Variants in MRC1 observed in about 807,000 individuals in gnomAD.
The protein encoded by MRC1 is macrophage mannose receptor 1.
Under a neutral mutation model 102.9 loss-of-function variants are expected in MRC1, and 62 were observed. That is an observed-to-expected ratio of 0.60 (90% CI 0.49 to 0.74). The LOEUF is 0.74. Ranked by LOEUF, MRC1 falls within the 30% of genes least tolerant of loss-of-function variation. The pLI is 0.00. For synonymous variants in MRC1, 457 were observed against 298.4 expected, an observed-to-expected ratio of 1.53 and a Z score of -5.48; for missense variants, 1,237 against 862.8, an observed-to-expected ratio of 1.43 and a Z score of -5.43.
intron 12 of MRC1, among the ~76,000 whole-genome samples, chr10:17,867,243 C>A (rs782339025): frequency 1.3e-5 from 2 of 148,646 alleles, no homozygotes; most frequent in African/African-American, 5.0e-5. Context: ...TCCTCTCTCC[C>A]CCTTCCCCCT....
At chr10:17,829,810 T>A (rs1838542084) in intron 3 of MRC1, among the ~76,000 whole-genome samples, 2 of 151,562 alleles carry the variant, frequency 1.3e-5, no homozygotes, top group South Asian at 4.1e-4. Context: ...CTGAATGAAA[T>A]GTGGAGGACA....
intron 21 of MRC1, among the ~76,000 whole-genome samples, chr10:17,884,489 A>C (rs991511260): frequency 6.6e-6 from 1 of 152,200 alleles, no homozygotes; most frequent in Non-Finnish European, 1.5e-5. Flanking sequence ...TTATAAAGGA[A>C]AGAGGTTTGA....
At chr10:17,889,116 G>A (rs1234580293) in intron 22 of MRC1, among the ~76,000 whole-genome samples, 5 of 152,018 alleles carry the variant, frequency 3.3e-5, no homozygotes, top group African/African-American at 7.2e-5. Flanking sequence ...TTAGTGTAGC[G>A]TATCTTTCTC....
At position 17,809,796 on chromosome 10, in the gene MRC1, C is replaced by A. The variant is rs1012205230; in HGVS notation, c.61+270C>A. On this transcript the variant is annotated intron_variant, in intron 1 of 29. Coordinates refer to ENST00000569591, the MANE Select transcript of MRC1 (RefSeq NM_002438.4). ...CAGACCTTCAGTGTCCTCCTGACTT[C>A]TCTCATCGCTCGTTGTTCCTTCCCT... Among the ~76,000 whole-genome samples, 344 of 152,292 alleles carry A rather than the reference C, an allele frequency of 2.3e-3. 1 individual carries two copies. Among genetic ancestry groups the A allele is most frequent in the African/African-American group, 7.9e-3 (327 of 41,562 alleles).
chr10:17,840,769 T>A lies in MRC1; in HGVS notation c.879T>A (p.Ser293Arg). 1.3e-6 allele frequency: 1 copy of A among 780,852 alleles called. No individual in the cohort carries two copies. Among genetic ancestry groups the A allele is most frequent in the South Asian group, 1.3e-5 (1 of 74,618 alleles). 48.4% of individuals were successfully genotyped at this position (780,852 alleles called of 1,614,324 possible). A position where few individuals can be genotyped will look rare whatever the true frequency, so the allele number is the denominator to read the frequency against. The change falls in exon 5 of 30, where the codon AGT (serine) becomes AGA (arginine). Residue 293 changes from serine (S) to arginine (R), a missense_variant. By Grantham distance (110) the Ser-to-Arg change is moderately radical (BLOSUM62 -1). Coordinates refer to ENST00000569591, the MANE Select transcript of MRC1 (RefSeq NM_002438.4). ...SLSFNSGWQW[S>R]DRSPFRYLNW... ...GCTTCAACAGCGGTTGGCAGTGGAGTGACCGCAGTCCTTTCCGATATTTGA... is the reference window on the plus strand; with the variant it reads ...GCTTCAACAGCGGTTGGCAGTGGAGAGACCGCAGTCCTTTCCGATATTTGA...
chr10:17,858,996 A>T (rs1250417771), intron 9 of MRC1, among the ~76,000 whole-genome samples: 1 of 152,076 alleles, frequency 6.6e-6, no homozygotes, highest in Non-Finnish European at 1.5e-5. Flanking sequence ...TCGTATCTTC[A>T]TCTCTTCCTA....
At position 17,830,058 on chromosome 10, in the gene MRC1, C is replaced by T. The variant is rs1838545709; in HGVS notation, c.637+2343C>T. ...AAATCACGTTTTGTACATTTAATAT[C>T]TTTCTTAAAGGGCTTTATAGTCTTC... On this transcript the variant is annotated intron_variant, in intron 3 of 29. Coordinates refer to ENST00000569591, the MANE Select transcript of MRC1 (RefSeq NM_002438.4). Among the ~76,000 whole-genome samples, 3 of 151,334 alleles carry T rather than the reference C, an allele frequency of 2.0e-5. 1 individual carries two copies. Among genetic ancestry groups the T allele is most frequent in the African/African-American group, 7.4e-5 (3 of 40,718 alleles).
chr10:17,904,256 T>C (rs1373389996), intron 26 of MRC1, among the ~76,000 whole-genome samples: 1 of 152,218 alleles, frequency 6.6e-6, no homozygotes, highest in Non-Finnish European at 1.5e-5. Context: ...TGGGTTTGAG[T>C]TACTGTTGAG....
At chr10:17,890,183 A>T (rs1833653188) in intron 22 of MRC1, among the ~76,000 whole-genome samples, 1 of 152,172 alleles carries the variant, frequency 6.6e-6, no homozygotes, top group South Asian at 2.1e-4. Context: ...AAGAAATCCA[A>T]CGTAATTACT....
At chr10:17,838,080 G>A (rs1838696318) in intron 4 of MRC1, among the ~76,000 whole-genome samples, 2 of 152,068 alleles carry the variant, frequency 1.3e-5, no homozygotes, top group South Asian at 4.2e-4. Flanking sequence ...CTAGGAGGGA[G>A]AAGTTAGGAA....
chr10:17,830,427 C>T lies in MRC1; in HGVS notation c.637+2712C>T, dbSNP rs1040258058. Among the ~76,000 whole-genome samples the T allele has an allele frequency of 7.8e-3, 1,183 of 151,428 alleles. 77 individuals are homozygous for T. Among genetic ancestry groups the T allele is most frequent in the African/African-American group, 0.028 (1,143 of 40,766 alleles). On this transcript the variant is annotated intron_variant, in intron 3 of 29. Coordinates refer to ENST00000569591, the MANE Select transcript of MRC1 (RefSeq NM_002438.4). ...GATTACAGGTGTGAGCCACCGTGCC[C>T]GGACGAGCATTTTATTTTATATCAG... is the stretch of plus-strand genomic sequence containing the variant.
rs937080594 is a variant in MRC1, at chr10:17,835,847, A to G, written c.802+2008A>G. 2.6e-3 allele frequency among the ~76,000 whole-genome samples: 395 copies of G among 152,318 alleles called. 1 individual carries two copies. Among genetic ancestry groups the G allele is most frequent in the African/African-American group, 8.7e-3 (362 of 41,580 alleles). Reference sequence around the variant, plus strand: ...GAGATCCCGAAGACTCTAGATCAGTAGGTGTGACACAGGGCACAAGAATCT... The same window carrying G: ...GAGATCCCGAAGACTCTAGATCAGTGGGTGTGACACAGGGCACAAGAATCT... On this transcript the variant is annotated intron_variant, in intron 4 of 29. Transcript: ENST00000569591.
intron 25 of MRC1, among the ~76,000 whole-genome samples, chr10:17,901,248 A>G (rs1261332609): frequency 2.6e-5 from 4 of 152,224 alleles, no homozygotes; most frequent in African/African-American, 9.6e-5. Context: ...TGGACACCAT[A>G]CTAGAATTCT....
chr10:17,888,863 T>C (rs1308318312), intron 22 of MRC1, among the ~76,000 whole-genome samples: 2 of 152,358 alleles, frequency 1.3e-5, no homozygotes, highest in East Asian at 3.9e-4. Flanking sequence ...TAGAAGAGTA[T>C]TGAAGTCTCC....
At chr10:17,903,366 ATTTTCTTTTTC>A (rs1833853628) in intron 26 of MRC1, among the ~76,000 whole-genome samples, 12 of 90,802 alleles carry the variant, frequency 1.3e-4, no homozygotes, top group Admixed American at 1.2e-3. Flanking sequence ...CATCATTTTA[ATTTTCTTTTTC>A]TTTTCTTTTT....
At chr10:17,891,629 C>T (rs1379289915) in intron 22 of MRC1, among the ~76,000 whole-genome samples, 1 of 152,142 alleles carries the variant, frequency 6.6e-6, no homozygotes, top group Non-Finnish European at 1.5e-5. Context: ...GAACTGCTGA[C>T]GTAGTGGATA....
intron 10 of MRC1, among the ~76,000 whole-genome samples, chr10:17,861,716 T>G (rs1833186971): frequency 6.6e-6 from 1 of 152,146 alleles, no homozygotes; most frequent in African/African-American, 2.4e-5. Context: ...AAAGCAACAT[T>G]CAGAACAGTT....
At chr10:17,879,696 A>C in intron 18 of MRC1, 25 bp from the exon 19 acceptor site, 1 of 780,838 alleles carries the variant, frequency 1.3e-6, no homozygotes, top group Non-Finnish European at 2.4e-6. Flanking sequence ...GGATCGTTTC[A>C]AAATGCCTGA....
chr10:17,903,053 CT>C (rs1351981510), intron 26 of MRC1, among the ~76,000 whole-genome samples: 1 of 152,100 alleles, frequency 6.6e-6, no homozygotes, highest in Non-Finnish European at 1.5e-5. Flanking sequence ...CACTCCAGCT[CT>C]TTTTTGGCTA....
Sources: gnomAD v4.1 joint callset for allele counts (sites outside exome capture counted in the v4.1 genomes callset) on GRCh38, gnomAD v4.1.1 for gene constraint, MANE v1.5 for transcripts, NCBI Gene and HGNC (gene_info 2026-07-23, HGNC 2026-07-21) for gene names.